RGS7: variants seen among roughly 807,000 people sequenced by gnomAD.
RGS7 encodes the protein regulator of G-protein signaling 7.
In RGS7, 27 loss-of-function variants were observed where a neutral mutation model predicts 81.1. The ratio of observed to expected loss-of-function variants is 0.33; its 90% confidence interval spans 0.25 to 0.46. The LOEUF (loss-of-function observed/expected upper bound fraction) is 0.46. RGS7 is among the 20% of genes least tolerant of loss of function. The pLI, the probability that RGS7 is intolerant of heterozygous loss-of-function variation, is 1.00. For synonymous variants in RGS7, 208 were observed against 207.7 expected (o/e 1.00, Z -0.01); for missense variants, 396 against 607.4 (o/e 0.65, Z 3.66).
rs60911948 is a variant in RGS7 at position 240,960,217 on chromosome 1, C to CTTCTTTTTTTTTTTTTTT, written c.226+22861_226+22862insAAAAAAAAAAAAAAAGAA. Among the ~76,000 whole-genome samples, 32 of 8,952 alleles carry CTTCTTTTTTTTTTTTTTT rather than the reference C, an allele frequency of 3.6e-3. 1 individual carries two copies. Among genetic ancestry groups the CTTCTTTTTTTTTTTTTTT allele is most frequent in the Non-Finnish European group, 4.3e-3 (22 of 5,106 alleles). The allele number at this position is 8,952 out of a possible 152,430, so 5.9% of individuals were successfully genotyped here. ...TTTTCTTCTTCTTCCTCTTCTTCTT[C>CTTCTTTTTTTTTTTTTTT]TTTTTTTTTTTTTTTTTGTTGTTGT... is the stretch of plus-strand genomic sequence containing the variant. On this transcript the variant is annotated intron_variant, in intron 4 of 18. Transcript: ENST00000440928.
At chr1:241,001,831 A>G (rs1048343688) in intron 3 of RGS7, among the ~76,000 whole-genome samples, 7 of 152,312 alleles carry the variant, frequency 4.6e-5, no homozygotes, top group East Asian at 1.9e-4. Context: ...AAATGACTCT[A>G]TATGATATTC....
At chr1:241,259,509 G>A (rs11579785) in intron 2 of RGS7, among the ~76,000 whole-genome samples, 19,819 of 151,076 alleles carry the variant, frequency 0.13, 1,414 homozygotes, top group Middle Eastern at 0.17. Flanking sequence ...AATTAGTCAA[G>A]CGTGGTGGTG....
rs75841446 is a variant in RGS7, at chr1:241,090,477, C to T, written c.175+8189G>A. Reference sequence around the variant, plus strand: ...AATACTGTATACACAGTTGAATTTACTGGAGTTCAGAGAAAAGGTCTGAAT... The same window carrying T: ...AATACTGTATACACAGTTGAATTTATTGGAGTTCAGAGAAAAGGTCTGAAT... On this transcript the variant is annotated intron_variant, in intron 3 of 18. Transcript: ENST00000440928. 1.7e-3 allele frequency among the ~76,000 whole-genome samples: 263 copies of T among 152,088 alleles called. 1 individual carries two copies. The highest frequency in any genetic ancestry group is 5.8e-3 in the African/African-American group (242 of 41,494).
chr1:240,975,565 G>T (rs1683945257), intron 4 of RGS7, among the ~76,000 whole-genome samples: 1 of 152,118 alleles, frequency 6.6e-6, no homozygotes, highest in Admixed American at 6.5e-5. Context: ...GCTTAGTCAG[G>T]ATGACTCTTA....
At chr1:241,131,092 AT>A (rs141149818) in intron 2 of RGS7, among the ~76,000 whole-genome samples, 30 of 150,478 alleles carry the variant, frequency 2.0e-4, no homozygotes, top group African/African-American at 6.1e-4. Flanking sequence ...GACATGATTC[AT>A]TTTTTTTTAA....
intron 4 of RGS7, among the ~76,000 whole-genome samples, chr1:240,948,761 T>C (rs1405025479): frequency 3.3e-5 from 5 of 151,584 alleles, no homozygotes; most frequent in African/African-American, 1.2e-4. Context: ...TCTATGTTTT[T>C]TAAACGTAAT....
intron 2 of RGS7, among the ~76,000 whole-genome samples, chr1:241,183,472 G>A (rs773310058): frequency 3.9e-4 from 59 of 152,222 alleles, no homozygotes; most frequent in South Asian, 8.3e-4. Flanking sequence ...GCTCTGTCTC[G>A]CAGCTGACAT....
At chr1:240,976,169 T>C (rs926750335) in intron 4 of RGS7, among the ~76,000 whole-genome samples, 1 of 152,208 alleles carries the variant, frequency 6.6e-6, no homozygotes, top group Non-Finnish European at 1.5e-5. Context: ...GAGAGTAAAA[T>C]AGCAAAATAG....
intron 2 of RGS7, among the ~76,000 whole-genome samples, chr1:241,325,259 A>T (rs761035476): frequency 6.6e-6 from 1 of 152,182 alleles, no homozygotes; most frequent in Non-Finnish European, 1.5e-5. Context: ...GAAATTAGAT[A>T]TAAGGGGGAG....
chr1:241,099,251 T>C (rs2064531240), intron 2 of RGS7, among the ~76,000 whole-genome samples: 1 of 152,202 alleles, frequency 6.6e-6, no homozygotes. Flanking sequence ...CCAGGACTGA[T>C]TGCCAACTAC....
chr1:240,882,893 G>A (rs978826691), intron 6 of RGS7, among the ~76,000 whole-genome samples: 6 of 152,138 alleles, frequency 3.9e-5, no homozygotes, highest in South Asian at 2.1e-4. Flanking sequence ...TTACCCTTTC[G>A]TTTTAAATAT....
At chr1:240,895,276 C>T (rs926002730) in intron 6 of RGS7, among the ~76,000 whole-genome samples, 1 of 143,868 alleles carries the variant, frequency 7.0e-6, no homozygotes, top group Admixed American at 6.9e-5. Context: ...TTCTTTCTTT[C>T]TTTCTTTCTT....
At chr1:240,827,351 T>C (rs1693017018) in intron 9 of RGS7, among the ~76,000 whole-genome samples, 179 bp from the exon 10 acceptor site, 1 of 152,180 alleles carries the variant, frequency 6.6e-6, no homozygotes, top group Admixed American at 6.5e-5. Flanking sequence ...ATAAAAGACA[T>C]GATACTTCTT....
intron 2 of RGS7, among the ~76,000 whole-genome samples, chr1:241,139,596 G>C (rs1368231501): frequency 1.3e-5 from 2 of 152,160 alleles, no homozygotes; most frequent in Non-Finnish European, 2.9e-5. Context: ...CTCCAAAATG[G>C]CTGCACCACC....
rs1572356434 is a variant in RGS7, at chr1:240,839,731, G to A, written c.610-12559C>T. Among the ~76,000 whole-genome samples the A allele has an allele frequency of 4.6e-5, 7 of 152,290 alleles. No homozygotes were observed. The South Asian group carries it at 1.4e-3, about 32-fold the overall frequency. On this transcript the variant is annotated intron_variant, in intron 9 of 18. Transcript: ENST00000440928. ...TGATGCACTCTCTTGTCTACACCCA[G>A]ATTCTTTTGGAAAAAGCCTGCCAGA...
chr1:240,797,244 G>A lies in RGS7; in HGVS notation c.*6+3397C>T, dbSNP rs371044998. Among the ~76,000 whole-genome samples the A allele has an allele frequency of 1.4e-4, 22 of 152,324 alleles. 2 individuals are homozygous for A. Among genetic ancestry groups the A allele is most frequent in the Admixed American group, 5.2e-4 (8 of 15,292 alleles). On this transcript the variant is annotated intron_variant, in intron 18 of 18. Coordinates refer to ENST00000440928, the MANE Select transcript of RGS7 (RefSeq NM_001364886.1). Reference sequence around the variant, plus strand: ...ACTTGATTATGAATCTTGATTGAAGGTGTGGCTGATCAGTCATCCTACCCT... The same window carrying A: ...ACTTGATTATGAATCTTGATTGAAGATGTGGCTGATCAGTCATCCTACCCT...
chr1:241,237,754 T>C (rs182007778), intron 2 of RGS7, among the ~76,000 whole-genome samples: 8 of 152,260 alleles, frequency 5.3e-5, no homozygotes, highest in Non-Finnish European at 1.0e-4. Flanking sequence ...TTCTGAATAT[T>C]GCCTTCGAGG....
chr1:241,056,383 C>T (rs1031690750), intron 3 of RGS7, among the ~76,000 whole-genome samples: 19 of 152,042 alleles, frequency 1.2e-4, no homozygotes, highest in African/African-American at 4.6e-4. Flanking sequence ...AGCACTGTAC[C>T]CATCTCATCT....
chr1:240,793,611 A>ATATATATTT lies in RGS7; in HGVS notation c.*6+7029_*6+7030insAAATATATA. On this transcript the variant is annotated intron_variant, in intron 18 of 18. Coordinates refer to ENST00000440928, the MANE Select transcript of RGS7 (RefSeq NM_001364886.1). ...AATATATATATATATATATATATAT[A>ATATATATTT]TTTTTTTTTTTTTTTTGAGACAGAG... Among the ~76,000 whole-genome samples the ATATATATTT allele has an allele frequency of 5.1e-5, 4 of 78,812 alleles. 1 individual carries two copies. Among genetic ancestry groups the ATATATATTT allele is most frequent in the South Asian group, 8.4e-4 (2 of 2,368 alleles). The allele number at this position is 78,812 out of a possible 152,430, so 51.7% of individuals were successfully genotyped here.
Sources: gnomAD v4.1 joint callset for allele counts (sites outside exome capture counted in the v4.1 genomes callset) on GRCh38, gnomAD v4.1.1 for gene constraint, MANE v1.5 for transcripts, NCBI Gene and HGNC (gene_info 2026-07-23, HGNC 2026-07-21) for gene names.